The following MBTPS2 variants were observed in gnomAD, a reference collection of about 807,000 sequenced individuals.
MBTPS2 encodes the protein membrane-bound transcription factor site-2 protease.
In MBTPS2, 2 loss-of-function variants were observed where a neutral mutation model predicts 35.4. That is an observed-to-expected ratio of 0.06 (90% CI 0.02 to 0.18). The LOEUF (loss-of-function observed/expected upper bound fraction) is 0.18. MBTPS2 is among the 10% of genes least tolerant of loss of function. The probability of loss-of-function intolerance (pLI) is 1.00; values close to 1 mark genes in which losing one functional copy is unlikely to be tolerated. For synonymous variants in MBTPS2, 125 were observed against 140.4 expected (o/e 0.89, Z 0.77); for missense variants, 244 against 386.5 (o/e 0.63, Z 3.09).
chrX:21,871,230 CAGTAA>C (rs1439934304), intron 7 of MBTPS2: 1 of 112,409 alleles, frequency 8.9e-6, no homozygotes, highest in Non-Finnish European at 1.9e-5. Context: ...TAAAGTAAAT[CAGTAA>C]AGTAAATAGA....
intron 7 of MBTPS2, among the ~76,000 whole-genome samples, chrX:21,877,170 AATAGCTCACGC>A (rs1490748432): frequency 8.9e-6 from 1 of 112,448 alleles, no homozygotes; most frequent in Non-Finnish European, 1.9e-5. Context: ...AGCCAGGCGC[AATAGCTCACGC>A]CTGTAATCTC....
At chrX:21,870,243 A>G (rs954196657) in intron 7 of MBTPS2, 1 of 107,669 alleles carries the variant, frequency 9.3e-6, no homozygotes, top group Admixed American at 1.0e-4. Context: ...AAAAATCAGC[A>G]TTCAAGGTCA....
intron 5 of MBTPS2, chrX:21,856,340 G>A (rs867366466): frequency 4.3e-6 from 2 of 465,998 alleles, no homozygotes; most frequent in African/African-American, 5.9e-5. Context: ...TGCAGCTCGC[G>A]CCTTTCTCTG....
chrX:21,842,805 T>C (rs1364456975), intron 1 of MBTPS2, among the ~76,000 whole-genome samples: 3 of 112,069 alleles, frequency 2.7e-5, no homozygotes, highest in Non-Finnish European at 5.6e-5. Context: ...TTTTGTAAAG[T>C]GCTTGGTAGT....
At chrX:21,869,355 AG>A in intron 6 of MBTPS2, 142 bp from the exon 7 acceptor site, 1 of 504,609 alleles carries the variant, frequency 2.0e-6, no homozygotes, top group Non-Finnish European at 3.5e-6. Context: ...TTAATTTTCT[AG>A]GACTATGTCT....
At chrX:21,876,401 T>A (rs949389352) in intron 7 of MBTPS2, among the ~76,000 whole-genome samples, 1 of 110,176 alleles carries the variant, frequency 9.1e-6, no homozygotes, top group Non-Finnish European at 1.9e-5. Context: ...CCATTGCTAC[T>A]AAAAATACAA....
chrX:21,852,670 T>C (rs1602140373), intron 4 of MBTPS2, among the ~76,000 whole-genome samples: 1 of 111,035 alleles, frequency 9.0e-6, no homozygotes, highest in African/African-American at 3.3e-5. Context: ...AACTGTACGG[T>C]TGTCTTATAT....
chrX:21,840,055 G>A (rs1160291145), intron 1 of MBTPS2, among the ~76,000 whole-genome samples: 1 of 111,995 alleles, frequency 8.9e-6, no homozygotes, highest in East Asian at 2.8e-4. Flanking sequence ...GGTCCTGCCC[G>A]GGAGGCGCCA....
At chrX:21,843,711 T>C (rs1259981416) in intron 2 of MBTPS2, among the ~76,000 whole-genome samples, 1 of 111,398 alleles carries the variant, frequency 9.0e-6, no homozygotes, top group South Asian at 3.7e-4. Flanking sequence ...CAATAGCAGA[T>C]CAAAGCATAC....
Position 21,883,388 on chromosome X carries a change from G to T in MBTPS2, c.*733G>T. The T allele has an allele frequency of 1.3e-6, 1 of 754,865 alleles. No homozygotes were observed. The highest frequency in any genetic ancestry group is 1.6e-6 in the Non-Finnish European group (1 of 639,709). The allele number at this position is 754,865 out of a possible 1,213,427, so 62.2% of individuals were successfully genotyped here. On this transcript the variant is annotated 3_prime_UTR_variant, in exon 11 of 11. Coordinates refer to ENST00000379484, the MANE Select transcript of MBTPS2 (RefSeq NM_015884.4). Reference sequence around the variant, plus strand: ...TGACATCCACGGTGAGCTGCAGGAAGCATCACACACCAGCAGCATGTGAGC... The same window carrying T: ...TGACATCCACGGTGAGCTGCAGGAATCATCACACACCAGCAGCATGTGAGC...
chrX:21,881,373 G>T (rs2092959146), intron 10 of MBTPS2, among the ~76,000 whole-genome samples: 1 of 111,519 alleles, frequency 9.0e-6, no homozygotes, highest in Non-Finnish European at 1.9e-5. Context: ...AAATCCCAGG[G>T]AGGAATGCAC....
intron 5 of MBTPS2, chrX:21,857,145 C>T (rs746893321): frequency 7.4e-6 from 9 of 1,210,201 alleles, no homozygotes; most frequent in African/African-American, 5.2e-5. Flanking sequence ...GAAACTTCCT[C>T]CTGGGGGGTT....
chrX:21,857,224 A>T (rs757970063), intron 5 of MBTPS2: 1 of 1,211,993 alleles, frequency 8.3e-7, no homozygotes. Flanking sequence ...AAAAGGTCCA[A>T]AGGAGAACCT....
intron 5 of MBTPS2, chrX:21,856,959 G>T: frequency 8.2e-7 from 1 of 1,212,177 alleles, no homozygotes; most frequent in Non-Finnish European, 1.1e-6. Context: ...CAACCCGGCA[G>T]GCAGCAGCTC....
At chrX:21,870,220 CA>C (rs763452879) in intron 7 of MBTPS2, 10 of 83,000 alleles carry the variant, frequency 1.2e-4, no homozygotes, top group East Asian at 3.8e-4. Flanking sequence ...GACTCTGTCT[CA>C]AAAAAAAAAA....
chrX:21,839,750 C>T lies in MBTPS2; in HGVS notation c.16C>T (p.Leu6=), dbSNP rs1569320261. The T allele has an allele frequency of 1.7e-6, 2 of 1,190,307 alleles. No individual in the cohort carries two copies. Among genetic ancestry groups the T allele is most frequent in the Admixed American group, 2.3e-5 (1 of 42,919 alleles). MIPVS[L]VVVVVGGWTV... is the part of the protein sequence containing the mutation. ...CGCTGCCGCCATGATTCCGGTGTCG[C>T]TGGTGGTGGTGGTGGTGGGTGGCTG... The change falls in exon 1 of 11, where the codon CTG becomes TTG. Residue 6 remains leucine, a synonymous_variant. Transcript: ENST00000379484.
intron 5 of MBTPS2, among the ~76,000 whole-genome samples, chrX:21,867,702 G>A (rs1404087235): frequency 9.6e-6 from 1 of 103,772 alleles, no homozygotes; most frequent in Non-Finnish European, 2.0e-5. Flanking sequence ...GCAGTGGCAC[G>A]ATCTCAGCTC....
In MBTPS2 at chrX:21,884,692, G is replaced by A. The variant is rs2092962810; in HGVS notation, c.*2037G>A. On this transcript the variant is annotated 3_prime_UTR_variant, in exon 11 of 11. Transcript: ENST00000379484. Reference sequence around the variant, plus strand: ...TAGCTTGGTTGTGGGCACTTCTACAGCAAGGACCATATCATATTCATCTTT... The same window carrying A: ...TAGCTTGGTTGTGGGCACTTCTACAACAAGGACCATATCATATTCATCTTT... 4.3e-6 allele frequency: 3 copies of A among 705,474 alleles called. No individual in the cohort carries two copies. The highest frequency in any genetic ancestry group is 5.0e-6 in the Non-Finnish European group (3 of 594,849). 58.1% of individuals were successfully genotyped at this position (705,474 alleles called of 1,213,427 possible).
At chrX:21,846,506 G>T (rs896393160) in intron 3 of MBTPS2, among the ~76,000 whole-genome samples, 6 of 111,755 alleles carry the variant, frequency 5.4e-5, no homozygotes, top group Admixed American at 2.8e-4. Flanking sequence ...GAGTAGCTGG[G>T]ATTACAGGCA....
Sources: gnomAD v4.1 joint callset for allele counts (sites outside exome capture counted in the v4.1 genomes callset) on GRCh38, gnomAD v4.1.1 for gene constraint, MANE v1.5 for transcripts, NCBI Gene and HGNC (gene_info 2026-07-23, HGNC 2026-07-21) for gene names.